NDUFAF6: variants seen among roughly 807,000 people sequenced by gnomAD.
NDUFAF6 encodes the protein NADH dehydrogenase (ubiquinone) complex I, assembly factor 6.
NDUFAF6 carries 45 observed loss-of-function variants against 40.8 expected under a neutral mutation model. That is an observed-to-expected ratio of 1.10 (90% confidence interval 0.87 to 1.42). NDUFAF6 has a LOEUF of 1.42. Ranked by LOEUF, NDUFAF6 falls within the 40% of genes most tolerant of loss-of-function variation. The pLI, the probability that NDUFAF6 is intolerant of heterozygous loss-of-function variation, is 0.00. For missense variants in NDUFAF6, 435 were observed against 418.5 expected (o/e 1.04, Z -0.34); for synonymous variants, 185 against 155.9 (o/e 1.19, Z -1.39).
chr8:95,043,481 A>G (rs34676693), intron 4 of NDUFAF6, among the ~76,000 whole-genome samples: 43,149 of 151,944 alleles, frequency 0.28, 6,494 homozygotes, highest in Non-Finnish European at 0.34. Flanking sequence ...TGCCAGTTAT[A>G]TATCTGATAA....
chr8:94,967,624 C>T (rs747354461), intron 1 of NDUFAF6, among the ~76,000 whole-genome samples: 1 of 151,994 alleles, frequency 6.6e-6, no homozygotes, highest in Non-Finnish European at 1.5e-5. Context: ...CTTCGGTTCT[C>T]TCATAAGGCT....
At chr8:95,089,889 T>C (rs981619072) in intron 2 of NDUFAF6, among the ~76,000 whole-genome samples, 1 of 152,184 alleles carries the variant, frequency 6.6e-6, no homozygotes, top group Non-Finnish European at 1.5e-5. Context: ...GCCCATGTGT[T>C]GTGTTTTCAT....
Position 95,058,027 on chromosome 8 carries a change from A to T in NDUFAF6, c.*90A>T. On this transcript the variant is annotated 3_prime_UTR_variant, in exon 9 of 9. Coordinates refer to ENST00000396124, the MANE Select transcript of NDUFAF6 (RefSeq NM_152416.4). ...TAGGAACAACAGGAAATGACTGTTAAGGAGAAAATGAATTTATTGAATGGG... is the reference window on the plus strand; with the variant it reads ...TAGGAACAACAGGAAATGACTGTTATGGAGAAAATGAATTTATTGAATGGG... 5.3e-6 allele frequency: 8 copies of T among 1,509,376 alleles called. No individual in the cohort carries two copies. Among genetic ancestry groups the T allele is most frequent in the Non-Finnish European group, 7.1e-6 (8 of 1,128,446 alleles). The allele number at this position is 1,509,376 out of a possible 1,614,324, so 93.5% of individuals were successfully genotyped here. A position where few individuals can be genotyped will look rare whatever the true frequency, so the allele number is the denominator to read the frequency against.
At chr8:94,921,790 A>G (rs1365728118) in intron 1 of NDUFAF6, among the ~76,000 whole-genome samples, 1 of 152,188 alleles carries the variant, frequency 6.6e-6, no homozygotes, top group Non-Finnish European at 1.5e-5. Flanking sequence ...CAGGAGCTCA[A>G]ATAGGGCTTC....
chr8:94,977,890 A>G (rs1028678680), intron 1 of NDUFAF6, among the ~76,000 whole-genome samples: 2 of 152,162 alleles, frequency 1.3e-5, no homozygotes, highest in African/African-American at 2.4e-5. Flanking sequence ...ACATTATGAT[A>G]TAATAAAACA....
At chr8:95,108,970 A>G (rs1405415171) in intron 4 of NDUFAF6, among the ~76,000 whole-genome samples, 2 of 152,230 alleles carry the variant, frequency 1.3e-5, no homozygotes, top group African/African-American at 4.8e-5. Flanking sequence ...ATGTAGCAAC[A>G]TTTTAATCAT....
upstream of NDUFAF6, among the ~76,000 whole-genome samples, chr8:95,096,935 T>C (rs770346196): frequency 6.6e-6 from 1 of 152,178 alleles, no homozygotes; most frequent in Non-Finnish European, 1.5e-5. Flanking sequence ...GGCAGAGATG[T>C]TGTGCAATTT....
intron 9 of NDUFAF6, chr8:95,075,510 C>T: frequency 1.5e-6 from 1 of 646,996 alleles, no homozygotes; most frequent in East Asian, 6.8e-5. Flanking sequence ...ATTAGCACTC[C>T]CTTTTTGGAG....
chr8:95,025,316 G>A, intron 1 of NDUFAF6, 111 bp downstream of exon 1: 1 of 1,127,438 alleles, frequency 8.9e-7, no homozygotes, highest in Non-Finnish European at 1.2e-6. Context: ...CGCCTTCCTC[G>A]TGCCCCTCTG....
chr8:94,925,569 G>GAGAC (rs1045620271), intron 1 of NDUFAF6, among the ~76,000 whole-genome samples: 2 of 44,860 alleles, frequency 4.5e-5, no homozygotes, highest in African/African-American at 1.0e-4. Flanking sequence ...TTTTTTTTTT[G>GAGAC]AGACAGAGTC....
intron 1 of NDUFAF6, among the ~76,000 whole-genome samples, chr8:94,904,416 T>A (rs1304469883): frequency 7.1e-6 from 1 of 141,738 alleles, no homozygotes; most frequent in East Asian, 2.2e-4. Context: ...GACCTCGTGA[T>A]CTGCCCGCCT....
At chr8:94,926,250 C>T (rs1348675012) in intron 1 of NDUFAF6, 1 of 152,426 alleles carries the variant, frequency 6.6e-6, no homozygotes, top group African/African-American at 2.4e-5. Flanking sequence ...AGTAACCTAA[C>T]CAAATGTCCC....
rs55703438 is a variant in NDUFAF6 at position 94,958,522 on chromosome 8, C to CTTTTTTTTT, written c.-199+365_-199+373dup. Reference sequence around the variant, plus strand: ...CCCTATCTCCACACATAGTCACATTCTTTTTTTTTTTTTTTTTTTTTTTTT... The same window carrying CTTTTTTTTT: ...CCCTATCTCCACACATAGTCACATTCTTTTTTTTTTTTTTTTTTTTTTTTTTTTTTTTTT... On this transcript the variant is annotated intron_variant, in intron 1 of 9. Coordinates refer to the NDUFAF6 transcript ENST00000396111. Among the ~76,000 whole-genome samples, 39 of 71,274 alleles carry CTTTTTTTTT rather than the reference C, an allele frequency of 5.5e-4. 4 individuals carry two copies. The highest frequency in any genetic ancestry group is 1.6e-3 in the African/African-American group (27 of 16,948). The allele number at this position is 71,274 out of a possible 152,430, so 46.8% of individuals were successfully genotyped here.
At chr8:94,943,774 T>C (rs949792296) in intron 1 of NDUFAF6, among the ~76,000 whole-genome samples, 7 of 152,238 alleles carry the variant, frequency 4.6e-5, no homozygotes, top group African/African-American at 9.6e-5. Context: ...TGGTCACAAT[T>C]CATCTTCTTC....
intron 1 of NDUFAF6, among the ~76,000 whole-genome samples, chr8:94,919,555 C>T (rs1281379575): frequency 6.6e-6 from 1 of 152,128 alleles, no homozygotes; most frequent in African/African-American, 2.4e-5. Context: ...ATTTTCAGAG[C>T]TACCAGGAAT....
intron 1 of NDUFAF6, among the ~76,000 whole-genome samples, chr8:94,977,003 T>C (rs1166086160): frequency 6.6e-6 from 1 of 151,646 alleles, no homozygotes; most frequent in Non-Finnish European, 1.5e-5. Context: ...ATACAAAAAT[T>C]AGCCAAGCGT....
At chr8:94,967,937 T>G (rs1824146449) in intron 1 of NDUFAF6, among the ~76,000 whole-genome samples, 1 of 85,444 alleles carries the variant, frequency 1.2e-5, no homozygotes, top group Non-Finnish European at 2.7e-5. Flanking sequence ...CGAGACTCTG[T>G]CTCAAAAAAA....
chr8:94,973,867 A>G (rs1824697557), intron 1 of NDUFAF6, among the ~76,000 whole-genome samples: 1 of 151,856 alleles, frequency 6.6e-6, no homozygotes, highest in Non-Finnish European at 1.5e-5. Context: ...AAAAAAAAAA[A>G]AAAAAGGCCC....
chr8:95,038,106 C>G (rs985399870), intron 3 of NDUFAF6, among the ~76,000 whole-genome samples: 1 of 152,192 alleles, frequency 6.6e-6, no homozygotes, highest in Admixed American at 6.5e-5. Flanking sequence ...TCCTTGCCTC[C>G]TGGCCATCCT....
Sources: gnomAD v4.1 joint callset for allele counts (sites outside exome capture counted in the v4.1 genomes callset) on GRCh38, gnomAD v4.1.1 for gene constraint, MANE v1.5 for transcripts, NCBI Gene and HGNC (gene_info 2026-07-23, HGNC 2026-07-21) for gene names.